Variants in RBFOX1 observed in about 807,000 individuals in gnomAD.
RBFOX1 encodes RNA binding fox-1 homolog 1.
In RBFOX1, 8 loss-of-function variants were observed where a neutral mutation model predicts 57.7. The observed-to-expected ratio is 0.14, with a 90% confidence interval of 0.08 to 0.25. The LOEUF (loss-of-function observed/expected upper bound fraction) is 0.25. RBFOX1 is among the 10% of genes least tolerant of loss of function. The probability of loss-of-function intolerance (pLI) is 1.00; values close to 1 mark genes in which losing one functional copy is unlikely to be tolerated. For missense variants in RBFOX1, 611 were observed against 548.5 expected, an observed-to-expected ratio of 1.11 and a Z score of -1.14; for synonymous variants, 326 against 222.4, an observed-to-expected ratio of 1.47 and a Z score of -4.15.
At chr16:6,588,176 A>G (rs1446083193) in intron 2 of RBFOX1, among the ~76,000 whole-genome samples, 1 of 151,806 alleles carries the variant, frequency 6.6e-6, no homozygotes, top group Non-Finnish European at 1.5e-5. Context: ...GGTTGCAGTG[A>G]GCTGAGATTG....
intron 3 of RBFOX1, among the ~76,000 whole-genome samples, chr16:6,749,131 G>T (rs1160508997): frequency 2.6e-5 from 4 of 152,188 alleles, no homozygotes; most frequent in Non-Finnish European, 5.9e-5. Flanking sequence ...CAACTACTAG[G>T]AAGGCCGGAT....
intron 4 of RBFOX1, among the ~76,000 whole-genome samples, chr16:7,186,496 A>G (rs1183493542): frequency 7.6e-6 from 1 of 131,922 alleles, no homozygotes. Flanking sequence ...ACATATTTAT[A>G]TAAATATAAG....
chr16:7,596,881 G>A (rs1251408207), intron 8 of RBFOX1, among the ~76,000 whole-genome samples: 1 of 152,188 alleles, frequency 6.6e-6, no homozygotes, highest in Non-Finnish European at 1.5e-5. Flanking sequence ...AATGCTAGAT[G>A]TTGCTTTCCT....
At position 6,966,840 on chromosome 16, in the gene RBFOX1, TATCC is replaced by T. The variant is rs978986944; in HGVS notation, c.-15-85209_-15-85206del. On this transcript the variant is annotated intron_variant, in intron 3 of 15. Coordinates refer to ENST00000550418, the MANE Select transcript of RBFOX1 (RefSeq NM_018723.4). ...CTGTCTATCTATCTGTCTATCTATC[TATCC>T]ATCCATCTATCCACACATCCATCTA... Among the ~76,000 whole-genome samples the T allele has an allele frequency of 1.7e-3, 261 of 150,508 alleles. 3 individuals carry two copies. The highest frequency in any genetic ancestry group is 6.7e-3 in the Admixed American group (101 of 15,162).
intron 5 of RBFOX1, among the ~76,000 whole-genome samples, chr16:7,564,288 C>G (rs867428872): frequency 3.8e-4 from 58 of 151,990 alleles, no homozygotes; most frequent in African/African-American, 1.2e-3. Context: ...CCCTGTAATC[C>G]CAGCACTTTG....
intron 1 of RBFOX1, among the ~76,000 whole-genome samples, chr16:5,313,102 A>G: frequency 6.6e-6 from 1 of 152,176 alleles, no homozygotes; most frequent in Admixed American, 6.5e-5. Context: ...TTGTCTTCAC[A>G]GCCACCCTGC....
At chr16:6,581,160 G>A (rs1429813656) in intron 2 of RBFOX1, among the ~76,000 whole-genome samples, 1 of 152,090 alleles carries the variant, frequency 6.6e-6, no homozygotes, top group Non-Finnish European at 1.5e-5. Context: ...AGTCTAATGA[G>A]TTCCTGCGCC....
chr16:6,925,220 G>C (rs1381891900), intron 3 of RBFOX1, among the ~76,000 whole-genome samples: 1 of 128,992 alleles, frequency 7.8e-6, no homozygotes, highest in African/African-American at 2.9e-5. Flanking sequence ...TGAAGCCTCT[G>C]CCTCCCGGGC....
At chr16:7,157,743 C>G (rs778692081) in intron 4 of RBFOX1, among the ~76,000 whole-genome samples, 2 of 152,042 alleles carry the variant, frequency 1.3e-5, no homozygotes, top group Non-Finnish European at 2.9e-5. Context: ...CTTCACTGGG[C>G]AAGTGGAAAC....
At chr16:7,125,492 A>T (rs984881721) in intron 4 of RBFOX1, among the ~76,000 whole-genome samples, 23 of 152,164 alleles carry the variant, frequency 1.5e-4, no homozygotes, top group Non-Finnish European at 2.9e-5. Flanking sequence ...GCAGTTTTCT[A>T]GTTTGAAGTT....
At chr16:7,053,278 C>T (rs1242505584) in intron 4 of RBFOX1, among the ~76,000 whole-genome samples, 1 of 152,142 alleles carries the variant, frequency 6.6e-6, no homozygotes, top group Non-Finnish European at 1.5e-5. Flanking sequence ...TGCAGTATCT[C>T]AGTATGGCCC....
chr16:5,882,050 G>T (rs371784898), intron 4 of RBFOX1, among the ~76,000 whole-genome samples: 9 of 152,170 alleles, frequency 5.9e-5, no homozygotes, highest in African/African-American at 1.9e-4. Flanking sequence ...TATCAGGTCA[G>T]TATTAGTTAT....
At chr16:6,558,684 A>T (rs1434244007) in intron 2 of RBFOX1, among the ~76,000 whole-genome samples, 1 of 152,180 alleles carries the variant, frequency 6.6e-6, no homozygotes, top group Non-Finnish European at 1.5e-5. Context: ...CAAAACGCCC[A>T]AACAGGTGCT....
chr16:6,357,591 CT>C (rs1298480527), intron 2 of RBFOX1, among the ~76,000 whole-genome samples: 1 of 151,880 alleles, frequency 6.6e-6, no homozygotes, highest in Non-Finnish European at 1.5e-5. Flanking sequence ...CGCTGTCTCG[CT>C]CCCTCTTGCT....
At chr16:5,779,959 G>T (rs982087673) in intron 3 of RBFOX1, among the ~76,000 whole-genome samples, 3 of 152,178 alleles carry the variant, frequency 2.0e-5, no homozygotes, top group African/African-American at 7.2e-5. Context: ...GCTAAAATAT[G>T]TACTAGTTTA....
At chr16:5,358,517 A>G (rs1226651458) in intron 1 of RBFOX1, among the ~76,000 whole-genome samples, 5 of 152,168 alleles carry the variant, frequency 3.3e-5, no homozygotes, top group Non-Finnish European at 7.3e-5. Context: ...CATCATGTAA[A>G]ATCCCCTCAA....
At chr16:6,226,506 C>T (rs1473167335) in intron 1 of RBFOX1, among the ~76,000 whole-genome samples, 1 of 152,040 alleles carries the variant, frequency 6.6e-6, no homozygotes, top group Admixed American at 6.6e-5. Context: ...CCCATGACCA[C>T]TCATTGAAGC....
At chr16:6,841,039 A>G (rs1314954690) in intron 3 of RBFOX1, among the ~76,000 whole-genome samples, 2 of 152,180 alleles carry the variant, frequency 1.3e-5, no homozygotes, top group Non-Finnish European at 2.9e-5. Flanking sequence ...ATTGGGAGAA[A>G]TAAACTTGTT....
chr16:5,454,799 C>G (rs1228206220), intron 1 of RBFOX1, among the ~76,000 whole-genome samples: 1 of 136,086 alleles, frequency 7.3e-6, no homozygotes, highest in Non-Finnish European at 1.6e-5. Flanking sequence ...CTCTTTCTTT[C>G]TTTCTTTCCC....
Sources: allele counts gnomAD v4.1 joint callset (sites outside exome capture counted in the v4.1 genomes callset), GRCh38; gene constraint gnomAD v4.1.1; transcripts MANE v1.5; gene names NCBI Gene and HGNC (gene_info 2026-07-23, HGNC 2026-07-21).